FHOD3: variants seen among roughly 807,000 people sequenced by gnomAD.
FHOD3 encodes FH1/FH2 domain-containing protein 3.
A neutral mutation model predicts 173.0 loss-of-function variants in FHOD3; 90 were observed. The observed-to-expected ratio is 0.52, with a 90% CI of 0.44 to 0.62. FHOD3 has a LOEUF of 0.62. Among genes scored for constraint, FHOD3 ranks in the 20% least tolerant of loss-of-function variants. The pLI, the probability that FHOD3 is intolerant of heterozygous loss-of-function variation, is 0.00. For missense variants in FHOD3, 1,945 were observed against 2,034.7 expected, an observed-to-expected ratio of 0.96 and a Z score of 0.85; for synonymous variants, 828 against 823.0, an observed-to-expected ratio of 1.01 and a Z score of -0.10.
At chr18:36,767,567 G>C (rs577532431) in intron 27 of FHOD3, among the ~76,000 whole-genome samples, 1 of 152,068 alleles carries the variant, frequency 6.6e-6, no homozygotes, top group Non-Finnish European at 1.5e-5. Context: ...CGATCTGCCC[G>C]CCTCAGCCTC....
At chr18:36,633,356 TA>T (rs2034648448) in intron 10 of FHOD3, among the ~76,000 whole-genome samples, 1 of 152,196 alleles carries the variant, frequency 6.6e-6, no homozygotes, top group South Asian at 2.1e-4. Flanking sequence ...AAAGACAGTT[TA>T]ACAACTGCCA....
chr18:36,545,424 G>A (rs1337720152), intron 5 of FHOD3, among the ~76,000 whole-genome samples: 7 of 152,120 alleles, frequency 4.6e-5, no homozygotes, highest in East Asian at 3.8e-4. Flanking sequence ...CTTTGAAGAC[G>A]TAATGTTTCA....
Position 36,602,782 on chromosome 18 carries a change from G to A in FHOD3, c.813+14G>A. 1 of 1,596,038 alleles carries A rather than the reference G, an allele frequency of 6.3e-7. No individual in the cohort carries two copies. The highest frequency in any genetic ancestry group is 8.6e-7 in the Non-Finnish European group (1 of 1,163,456). The stretch of plus-strand genomic sequence containing the variant: ...TTGGTGAACAAGGTTGGTTGACTAT[G>A]TTATGGGTTGAATTGCGTCACCTAA... On this transcript the variant is annotated intron_variant, in intron 8 of 28. Coordinates refer to ENST00000590592, the MANE Select transcript of FHOD3 (RefSeq NM_001281740.3).
chr18:36,664,777 T>A (rs373591903), intron 14 of FHOD3, among the ~76,000 whole-genome samples: 7 of 129,614 alleles, frequency 5.4e-5, no homozygotes, highest in Middle Eastern at 4.0e-3. Flanking sequence ...TGTGTGTATG[T>A]GAGAGAGAGA....
Position 36,625,491 on chromosome 18 carries a change from G to T in FHOD3, c.958-20G>T, listed in dbSNP as rs762736381. ...GGATGCCAAGCCTGACCTTGCACTG[G>T]GCGTGCTCTGCTTTTCCAGGTGGCG... On this transcript the variant is annotated intron_variant, in intron 9 of 28. Transcript: ENST00000590592. The T allele has an allele frequency of 2.1e-6, 3 of 1,405,594 alleles. No homozygotes were observed. Among genetic ancestry groups the T allele is most frequent in the South Asian group, 1.7e-5 (1 of 59,642 alleles). The allele number at this position is 1,405,594 out of a possible 1,614,324, so 87.1% of individuals were successfully genotyped here.
At chr18:36,322,348 G>T (rs1253824709) in intron 1 of FHOD3, among the ~76,000 whole-genome samples, 1 of 152,160 alleles carries the variant, frequency 6.6e-6, no homozygotes, top group Non-Finnish European at 1.5e-5. Context: ...CTCTCGAGAG[G>T]GTTATGGGGG....
intron 3 of FHOD3, among the ~76,000 whole-genome samples, chr18:36,501,247 A>T (rs1444705085): frequency 1.3e-5 from 2 of 152,232 alleles, no homozygotes; most frequent in Admixed American, 6.5e-5. Context: ...CCATCCTTGA[A>T]CATGAGTGAG....
At chr18:36,603,946 G>C (rs2031745354) in intron 8 of FHOD3, among the ~76,000 whole-genome samples, 1 of 152,220 alleles carries the variant, frequency 6.6e-6, no homozygotes, top group African/African-American at 2.4e-5. Context: ...CTGAGATAAG[G>C]AATCCTGGGG....
chr18:36,708,150 G>C (rs1354336110), intron 17 of FHOD3, among the ~76,000 whole-genome samples: 1 of 152,192 alleles, frequency 6.6e-6, no homozygotes, highest in African/African-American at 2.4e-5. Context: ...AGTGTCACAC[G>C]AGTGAGAACA....
At chr18:36,463,488 G>T (rs1176965059) in intron 3 of FHOD3, among the ~76,000 whole-genome samples, 2 of 6,532 alleles carry the variant, frequency 3.1e-4, no homozygotes, top group African/African-American at 1.6e-3. Flanking sequence ...AATTTTTTTT[G>T]TTTATTTAAA....
chr18:36,484,150 G>A (rs1478292434), intron 3 of FHOD3, among the ~76,000 whole-genome samples: 1 of 152,222 alleles, frequency 6.6e-6, no homozygotes, highest in Admixed American at 6.5e-5. Flanking sequence ...AAAATCCTAT[G>A]TGACAGTCCC....
chr18:36,778,816 C>T (rs542729392), intron 28 of FHOD3: 2 of 152,284 alleles, frequency 1.3e-5, no homozygotes, highest in African/African-American at 4.8e-5. Flanking sequence ...TCTCTAGAGG[C>T]CTTTTAGTGA....
chr18:36,438,050 G>T (rs1365979552), intron 3 of FHOD3, among the ~76,000 whole-genome samples: 1 of 152,142 alleles, frequency 6.6e-6, no homozygotes, highest in Non-Finnish European at 1.5e-5. Flanking sequence ...GCCTGCAGGG[G>T]ATGCCTCTGA....
chr18:36,328,276 A>G (rs1009557814), intron 1 of FHOD3, among the ~76,000 whole-genome samples: 1 of 152,120 alleles, frequency 6.6e-6, no homozygotes, highest in Non-Finnish European at 1.5e-5. Context: ...GTATCCCAGG[A>G]AGGACTCTGA....
chr18:36,617,043 A>G (rs2033263204), intron 9 of FHOD3, among the ~76,000 whole-genome samples: 1 of 152,200 alleles, frequency 6.6e-6, no homozygotes, highest in South Asian at 2.1e-4. Flanking sequence ...TCTCTACTTC[A>G]TGCCCCAGAG....
At chr18:36,547,142 G>A (rs900460926) in intron 5 of FHOD3, among the ~76,000 whole-genome samples, 1 of 152,156 alleles carries the variant, frequency 6.6e-6, no homozygotes, top group African/African-American at 2.4e-5. Context: ...CTCCTGAGTG[G>A]CATCCTTGTG....
intron 1 of FHOD3, among the ~76,000 whole-genome samples, chr18:36,334,825 G>A (rs775547024): frequency 8.5e-5 from 13 of 152,240 alleles, no homozygotes; most frequent in Non-Finnish European, 1.9e-4. Context: ...GTGACTGAAA[G>A]AGGGTAGAGG....
intron 14 of FHOD3, among the ~76,000 whole-genome samples, chr18:36,679,430 T>C: frequency 6.6e-6 from 1 of 152,138 alleles, no homozygotes; most frequent in East Asian, 1.9e-4. Context: ...TTTTTCCTTT[T>C]GCCTTCTTTG....
At chr18:36,497,521 G>C (rs572146431) in intron 3 of FHOD3, among the ~76,000 whole-genome samples, 4 of 152,244 alleles carry the variant, frequency 2.6e-5, no homozygotes, top group African/African-American at 9.6e-5. Context: ...TAAAAGGATA[G>C]AAAAAGATAC....
Sources: allele counts gnomAD v4.1 joint callset (sites outside exome capture counted in the v4.1 genomes callset), GRCh38; gene constraint gnomAD v4.1.1; transcripts MANE v1.5; gene names NCBI Gene and HGNC (gene_info 2026-07-23, HGNC 2026-07-21).